CNTNAP2: variants seen among roughly 807,000 people sequenced by gnomAD.
CNTNAP2 encodes contactin-associated protein-like 2.
A neutral mutation model predicts 155.2 loss-of-function variants in CNTNAP2; 98 were observed. The ratio of observed to expected loss-of-function variants is 0.63; its 90% CI spans 0.54 to 0.75. CNTNAP2 has a LOEUF of 0.75. Among genes scored for constraint, CNTNAP2 ranks in the 30% least tolerant of loss-of-function variants. CNTNAP2 has a pLI of 0.00. For synonymous variants in CNTNAP2, 651 were observed against 631.2 expected (o/e 1.03, Z -0.47); for missense variants, 1,727 against 1,688.1 (o/e 1.02, Z -0.40).
intron 4 of CNTNAP2, among the ~76,000 whole-genome samples, chr7:147,055,780 G>A (rs1799550866): frequency 6.6e-6 from 1 of 152,006 alleles, no homozygotes; most frequent in South Asian, 2.1e-4. Flanking sequence ...AGGGTAGGAG[G>A]GAACGGAAGC....
At chr7:146,496,086 C>G (rs1797210963) in intron 1 of CNTNAP2, among the ~76,000 whole-genome samples, 1 of 152,074 alleles carries the variant, frequency 6.6e-6, no homozygotes, top group Non-Finnish European at 1.5e-5. Context: ...TGAATGGGAC[C>G]TCACCACAGC....
intron 13 of CNTNAP2, among the ~76,000 whole-genome samples, chr7:147,666,692 A>G (rs80119033): frequency 0.04 from 6,145 of 152,226 alleles, 138 homozygotes; most frequent in Middle Eastern, 0.13. Context: ...ATTACACATT[A>G]TTTTATTCAT....
At chr7:146,628,549 G>T (rs1030112609) in intron 1 of CNTNAP2, among the ~76,000 whole-genome samples, 73 of 152,056 alleles carry the variant, frequency 4.8e-4, no homozygotes, top group Admixed American at 4.2e-3. Context: ...GCTGAATTTA[G>T]TCATTCAGAA....
chr7:146,837,215 G>A (rs909485743), intron 2 of CNTNAP2, among the ~76,000 whole-genome samples: 1 of 152,014 alleles, frequency 6.6e-6, no homozygotes, highest in African/African-American at 2.4e-5. Flanking sequence ...AGTTATCAAT[G>A]TCTCACAACT....
chr7:147,122,327 T>C (rs1167485008), intron 6 of CNTNAP2: 2 of 152,232 alleles, frequency 1.3e-5, no homozygotes, highest in African/African-American at 4.8e-5. Context: ...TCTTAGTTCA[T>C]GGAGCCCTTA....
At chr7:146,768,656 T>C (rs899438041) in intron 1 of CNTNAP2, among the ~76,000 whole-genome samples, 1 of 151,978 alleles carries the variant, frequency 6.6e-6, no homozygotes, top group African/African-American at 2.4e-5. Flanking sequence ...AGAATGTGCC[T>C]TTTGCCATGG....
chr7:147,962,932 T>C (rs1376548358), intron 14 of CNTNAP2, among the ~76,000 whole-genome samples: 1 of 152,206 alleles, frequency 6.6e-6, no homozygotes, highest in Admixed American at 6.6e-5. Context: ...AATTATGTTA[T>C]CAAAATCTTG....
At chr7:147,684,736 G>C (rs41338950) in intron 13 of CNTNAP2, among the ~76,000 whole-genome samples, 2,495 of 151,940 alleles carry the variant, frequency 0.016, 223 homozygotes, top group Admixed American at 0.15. Flanking sequence ...ATATAATCTA[G>C]CATTCTACCT....
chr7:147,857,962 G>A (rs1234079783), intron 13 of CNTNAP2, among the ~76,000 whole-genome samples: 1 of 152,170 alleles, frequency 6.6e-6, no homozygotes, highest in East Asian at 1.9e-4. Flanking sequence ...AGCCTTTCCA[G>A]TTCTAACTAC....
chr7:146,876,400 G>A (rs758823249), intron 3 of CNTNAP2, among the ~76,000 whole-genome samples: 4 of 152,004 alleles, frequency 2.6e-5, no homozygotes, highest in Non-Finnish European at 4.4e-5. Flanking sequence ...TAGCTCCTCC[G>A]TAAAGAAAGC....
intron 13 of CNTNAP2, among the ~76,000 whole-genome samples, chr7:147,874,258 T>C (rs1278564114): frequency 6.6e-6 from 1 of 152,234 alleles, no homozygotes; most frequent in Non-Finnish European, 1.5e-5. Context: ...ACATTTCCCT[T>C]CTGCACTGAC....
chr7:148,016,909 G>A (rs951781894), intron 15 of CNTNAP2, among the ~76,000 whole-genome samples: 1 of 152,140 alleles, frequency 6.6e-6, no homozygotes, highest in Admixed American at 6.5e-5. Flanking sequence ...TTGACTAATA[G>A]ATGCTATGGA....
chr7:148,408,074 G>A (rs1335242454), intron 22 of CNTNAP2, among the ~76,000 whole-genome samples: 3 of 152,060 alleles, frequency 2.0e-5, no homozygotes, highest in African/African-American at 7.2e-5. Context: ...GTGAAACCCT[G>A]TCTCTACTAA....
intron 13 of CNTNAP2, among the ~76,000 whole-genome samples, chr7:147,840,691 T>C (rs1798713657): frequency 6.6e-6 from 1 of 152,080 alleles, no homozygotes; most frequent in Non-Finnish European, 1.5e-5. Context: ...GAGATCAGAA[T>C]GAATTTGAAA....
At chr7:147,831,903 G>T (rs1221149884) in intron 13 of CNTNAP2, 2 of 151,824 alleles carry the variant, frequency 1.3e-5, no homozygotes, top group Admixed American at 1.3e-4. Context: ...AATGCTTCAG[G>T]GGATTGACAC....
Position 146,278,799 on chromosome 7 carries a change from T to C in CNTNAP2, c.97+161826T>C, listed in dbSNP as rs548934299. 2.0e-3 allele frequency among the ~76,000 whole-genome samples: 309 copies of C among 152,240 alleles called. 3 individuals carry two copies. Among genetic ancestry groups the C allele is most frequent in the African/African-American group, 7.0e-3 (290 of 41,544 alleles). On this transcript the variant is annotated intron_variant, in intron 1 of 23. Coordinates refer to ENST00000361727, the MANE Select transcript of CNTNAP2 (RefSeq NM_014141.6). The stretch of plus-strand genomic sequence containing the variant: ...AAGATAACAAAATTGAAGTAACCAA[T>C]ATTTCTGGTTGGAGCCCACTTTTAT...
At chr7:148,300,521 CA>C (rs148058470) in intron 21 of CNTNAP2, among the ~76,000 whole-genome samples, 3,112 of 140,284 alleles carry the variant, frequency 0.022, 40 homozygotes, top group Middle Eastern at 0.027. Flanking sequence ...ATAATCATAA[CA>C]ATTTTTTTTT....
intron 1 of CNTNAP2, among the ~76,000 whole-genome samples, chr7:146,274,673 G>A (rs780444249): frequency 6.6e-6 from 1 of 152,058 alleles, no homozygotes; most frequent in Non-Finnish European, 1.5e-5. Context: ...AGCAGCAATC[G>A]GTTTTCCATG....
At chr7:148,028,456 C>A (rs577674809) in intron 15 of CNTNAP2, among the ~76,000 whole-genome samples, 2 of 152,120 alleles carry the variant, frequency 1.3e-5, no homozygotes, top group Non-Finnish European at 2.9e-5. Context: ...CTGATGACCC[C>A]CGGACAGCAA....
Sources: allele counts gnomAD v4.1 joint callset (sites outside exome capture counted in the v4.1 genomes callset), GRCh38; gene constraint gnomAD v4.1.1; transcripts MANE v1.5; gene names NCBI Gene and HGNC (gene_info 2026-07-23, HGNC 2026-07-21).